Variants in PCDH11X observed in about 807,000 individuals in gnomAD.
PCDH11X encodes the protein protocadherin-11 X-linked.
A neutral mutation model predicts 53.3 loss-of-function variants in PCDH11X; 18 were observed. The observed-to-expected ratio is 0.34, with a 90% confidence interval of 0.23 to 0.50. The LOEUF is 0.50. Ranked by LOEUF, PCDH11X falls within the 20% of genes least tolerant of loss-of-function variation. PCDH11X has a pLI of 0.98. For synonymous variants in PCDH11X, 279 were observed against 393.3 expected (o/e 0.71, Z 3.44); for missense variants, 570 against 1,032.4 (o/e 0.55, Z 6.14).
In PCDH11X at chrX:92,290,188, T is replaced by C. The variant is rs1031105103; in HGVS notation, c.3144+27045T>C. On this transcript the variant is annotated intron_variant, in intron 8 of 10. Transcript: ENST00000682573. The stretch of plus-strand genomic sequence containing the variant: ...TTATACCTTCATTTCTTATTCACCT[T>C]CCATTTGTATGTATGTATATTAGGG... Among the ~76,000 whole-genome samples, 7 of 111,790 alleles carry C rather than the reference T, an allele frequency of 6.3e-5. No individual in the cohort carries two copies. The Admixed American group carries it at 6.7e-4, about 11-fold the overall frequency.
intron 8 of PCDH11X, among the ~76,000 whole-genome samples, chrX:92,321,022 T>TA (rs1403773589): frequency 1.9e-5 from 2 of 107,491 alleles, no homozygotes; most frequent in Non-Finnish European, 1.9e-5. Context: ...CATGAAGACA[T>TA]AGAAGCTTAC....
chrX:92,578,802 T>TTATTTTATAGA (rs1431704251), intron 10 of PCDH11X, among the ~76,000 whole-genome samples: 4 of 104,781 alleles, frequency 3.8e-5, no homozygotes, highest in African/African-American at 1.4e-4. Flanking sequence ...TGCTAGCTAG[T>TTATTTTATAGA]TATTTTATAG....
chrX:91,779,411 G>A lies in PCDH11X; in HGVS notation c.-652G>A, dbSNP rs1163121939. 3.7e-5 allele frequency: 4 copies of A among 109,344 alleles called. No homozygotes were observed. Among genetic ancestry groups the A allele is most frequent in the Admixed American group, 1.9e-4 (2 of 10,284 alleles). The allele number at this position is 109,344 out of a possible 1,213,427, so 9.0% of individuals were successfully genotyped here. A position where few individuals can be genotyped will look rare whatever the true frequency, so the allele number is the denominator to read the frequency against. On this transcript the variant is annotated 5_prime_UTR_variant, in exon 1 of 11. Transcript: ENST00000682573. ...ACTGTCGGGGCGGGAGGAGCCGTGA[G>A]CAGTAGCTGCACTCAGCTGCCCGCG...
intron 6 of PCDH11X, among the ~76,000 whole-genome samples, chrX:92,164,572 A>G (rs34419476): frequency 8.9e-6 from 1 of 112,399 alleles, no homozygotes; most frequent in Non-Finnish European, 1.9e-5. Context: ...GAATAAAATT[A>G]AAAACAAAGG....
At chrX:92,008,628 GT>G (rs1242953579) in intron 6 of PCDH11X, among the ~76,000 whole-genome samples, 1,637 of 100,046 alleles carry the variant, frequency 0.016, 27 homozygotes, top group African/African-American at 0.048. Context: ...TCTTATGAAA[GT>G]TTTTTTTTTT....
Position 92,481,026 on chromosome X carries a change from T to C in PCDH11X, c.3367+12704T>C, listed in dbSNP as rs1295969420. ...CTGGTGGTGGTTTTAGCGCAAGGGCTGGACGCTGTCAGGTGCAGGTCTTTG... is the reference window on the plus strand; with the variant it reads ...CTGGTGGTGGTTTTAGCGCAAGGGCCGGACGCTGTCAGGTGCAGGTCTTTG... On this transcript the variant is annotated intron_variant, in intron 10 of 10. Transcript: ENST00000682573. Among the ~76,000 whole-genome samples, 4 of 110,861 alleles carry C rather than the reference T, an allele frequency of 3.6e-5. No individual in the cohort carries two copies. The East Asian group carries it at 8.7e-4, about 24-fold the overall frequency.
At chrX:91,886,782 T>C (rs1795589495) in intron 6 of PCDH11X, among the ~76,000 whole-genome samples, 1 of 108,435 alleles carries the variant, frequency 9.2e-6, no homozygotes, top group African/African-American at 3.4e-5. Flanking sequence ...CCATCCTGGC[T>C]AACACAGTGA....
At chrX:92,001,922 AT>A (rs984250646) in intron 6 of PCDH11X, among the ~76,000 whole-genome samples, 11 of 102,867 alleles carry the variant, frequency 1.1e-4, no homozygotes, top group Admixed American at 3.2e-4. Context: ...CCACTTGTCC[AT>A]TTTTTTCTTT....
intron 7 of PCDH11X, among the ~76,000 whole-genome samples, chrX:92,225,815 A>G (rs1451728773): frequency 1.8e-5 from 2 of 111,942 alleles, no homozygotes; most frequent in Admixed American, 9.5e-5. Context: ...TTTCTTTTGT[A>G]TATTTTTCTC....
intron 9 of PCDH11X, among the ~76,000 whole-genome samples, chrX:92,454,411 A>C (rs113986062): frequency 0.18 from 19,703 of 109,419 alleles, 1,327 homozygotes; most frequent in Non-Finnish European, 0.2. Context: ...AATAATCAAT[A>C]ATATGTTTGG....
At chrX:92,145,443 G>A (rs1381436224) in intron 6 of PCDH11X, among the ~76,000 whole-genome samples, 2 of 110,840 alleles carry the variant, frequency 1.8e-5, no homozygotes, top group Non-Finnish European at 3.8e-5. Flanking sequence ...GCTTAAGAAA[G>A]TAATAGGAAA....
intron 7 of PCDH11X, among the ~76,000 whole-genome samples, chrX:92,252,374 T>TACACACACACAC (rs757873528): frequency 0.043 from 4,509 of 104,484 alleles, 155 homozygotes; most frequent in East Asian, 0.21. Context: ...TTTGTCATGT[T>TACACACACACAC]ACACACACAC....
intron 10 of PCDH11X, among the ~76,000 whole-genome samples, chrX:92,492,216 C>G: frequency 1.8e-5 from 2 of 111,973 alleles, no homozygotes. Context: ...CTAATTGGCT[C>G]TGAGCCTCTG....
At chrX:92,160,146 TG>T (rs201581755) in intron 6 of PCDH11X, among the ~76,000 whole-genome samples, 6,303 of 108,354 alleles carry the variant, frequency 0.058, 564 homozygotes, top group African/African-American at 0.21. Flanking sequence ...ACTGGCCAGC[TG>T]TTTTTTTTCT....
Position 92,362,730 on chromosome X carries a change from GT to G in PCDH11X, c.3145-24999del, listed in dbSNP as rs1280381567. Among the ~76,000 whole-genome samples, 84 of 46,543 alleles carry G rather than the reference GT, an allele frequency of 1.8e-3. 1 individual carries two copies. The highest frequency in any genetic ancestry group is 6.5e-3 in the African/African-American group (78 of 12,085). 40.4% of individuals were successfully genotyped at this position (46,543 alleles called of 115,157 possible). On this transcript the variant is annotated intron_variant, in intron 8 of 10. Coordinates refer to ENST00000682573, the MANE Select transcript of PCDH11X (RefSeq NM_032968.5). Reference sequence around the variant, plus strand: ...TCATTGCCAAACCCAATGTCATGAAGTTTTTTCTCTCTGTTTTCTTCTAATA... The same window carrying G: ...TCATTGCCAAACCCAATGTCATGAAGTTTTTCTCTCTGTTTTCTTCTAATA...
At chrX:92,257,377 C>G (rs953601615) in intron 7 of PCDH11X, among the ~76,000 whole-genome samples, 1 of 111,151 alleles carries the variant, frequency 9.0e-6, no homozygotes, top group South Asian at 3.9e-4. Flanking sequence ...TGGCCTCCCC[C>G]AAATCTCATG....
intron 10 of PCDH11X, among the ~76,000 whole-genome samples, chrX:92,535,345 A>G (rs1447396109): frequency 8.9e-6 from 1 of 111,783 alleles, no homozygotes; most frequent in Non-Finnish European, 1.9e-5. Context: ...ACAGCCATAA[A>G]AAAGAATGAG....
At chrX:92,338,989 G>A (rs1472581355) in intron 8 of PCDH11X, among the ~76,000 whole-genome samples, 1 of 111,426 alleles carries the variant, frequency 9.0e-6, no homozygotes, top group African/African-American at 3.3e-5. Flanking sequence ...GAACAAAACT[G>A]AAGGCATCAC....
chrX:92,308,718 A>C (rs1461532205), intron 8 of PCDH11X, among the ~76,000 whole-genome samples: 7 of 111,089 alleles, frequency 6.3e-5, no homozygotes, highest in African/African-American at 1.3e-4. Context: ...GAATTAGAGA[A>C]AGTATTTGCA....
Sources: allele counts gnomAD v4.1 joint callset (sites outside exome capture counted in the v4.1 genomes callset), GRCh38; gene constraint gnomAD v4.1.1; transcripts MANE v1.5; gene names NCBI Gene and HGNC (gene_info 2026-07-23, HGNC 2026-07-21).